The following CDH18 variants were observed in gnomAD, a reference collection of about 807,000 sequenced individuals.
CDH18 encodes the protein cadherin 18.
Under a neutral mutation model 67.9 loss-of-function variants are expected in CDH18, and 31 were observed. That is an observed-to-expected ratio of 0.46 (90% CI 0.34 to 0.62). The LOEUF (loss-of-function observed/expected upper bound fraction) is 0.62, where lower values mean the gene tolerates loss of function less well. Ranked by LOEUF, CDH18 falls within the 20% of genes least tolerant of loss-of-function variation. The probability of loss-of-function intolerance (pLI) is 0.01; values close to 1 mark genes in which losing one functional copy is unlikely to be tolerated. For synonymous variants in CDH18, 362 were observed against 347.2 expected (o/e 1.04, Z -0.48); for missense variants, 890 against 975.5 (o/e 0.91, Z 1.17).
chr5:19,561,989 C>T (rs548545936), intron 8 of CDH18, among the ~76,000 whole-genome samples: 1 of 152,198 alleles, frequency 6.6e-6, no homozygotes, highest in South Asian at 2.1e-4. Context: ...TGATTTTAAG[C>T]AAGAATTTGC....
At chr5:19,505,808 G>C (rs1276551465) in intron 10 of CDH18, among the ~76,000 whole-genome samples, 1 of 151,998 alleles carries the variant, frequency 6.6e-6, no homozygotes, top group Non-Finnish European at 1.5e-5. Flanking sequence ...GCCAGGCTTT[G>C]GTATCAGGAT....
At chr5:20,410,609 T>C (rs1746684644) in intron 1 of CDH18, among the ~76,000 whole-genome samples, 1 of 151,528 alleles carries the variant, frequency 6.6e-6, no homozygotes, top group Non-Finnish European at 1.5e-5. Context: ...AGGATGTCCA[T>C]TCTTGGCACA....
intron 1 of CDH18, among the ~76,000 whole-genome samples, chr5:20,295,766 T>C (rs2149953594): frequency 6.6e-6 from 1 of 152,226 alleles, no homozygotes; most frequent in South Asian, 2.1e-4. Context: ...GATTTGATTG[T>C]ATATATGTTT....
intron 2 of CDH18, among the ~76,000 whole-genome samples, chr5:20,052,914 CCTT>C: frequency 6.6e-6 from 1 of 152,160 alleles, no homozygotes; most frequent in South Asian, 2.1e-4. Context: ...GATGTTTCCT[CCTT>C]CTCTTGTTAA....
chr5:20,237,434 G>C (rs1288134185), intron 2 of CDH18, among the ~76,000 whole-genome samples: 1 of 151,764 alleles, frequency 6.6e-6, no homozygotes, highest in African/African-American at 2.4e-5. Context: ...AAAATTGATT[G>C]AAACTATAAA....
At chr5:20,088,569 G>C (rs754622894) in intron 2 of CDH18, among the ~76,000 whole-genome samples, 3 of 152,172 alleles carry the variant, frequency 2.0e-5, no homozygotes, top group African/African-American at 4.8e-5. Flanking sequence ...AGCCTGTGTG[G>C]ACATGGCCAG....
intron 1 of CDH18, among the ~76,000 whole-genome samples, chr5:20,477,271 G>A (rs976588123): frequency 2.2e-4 from 34 of 152,110 alleles, no homozygotes; most frequent in Admixed American, 1.4e-3. Context: ...TGGTCATCCT[G>A]CACGCTCAAC....
In CDH18 at chr5:19,650,236, T is replaced by C. The variant is rs143575766; in HGVS notation, c.644-37635A>G. The stretch of plus-strand genomic sequence containing the variant: ...TTAATTAAGGTTGCTTTCTATGTAG[T>C]ACACTTTGGAAGAAATCCCTCTTTC... On this transcript the variant is annotated intron_variant, in intron 5 of 12. Coordinates refer to ENST00000382275, the MANE Select transcript of CDH18 (RefSeq NM_004934.5). Among the ~76,000 whole-genome samples the C allele has an allele frequency of 2.6e-5, 4 of 151,954 alleles. No homozygotes were observed. In the East Asian group the frequency reaches 5.8e-4, roughly 22 times the overall value.
chr5:20,013,488 T>G lies in CDH18; in HGVS notation c.-517-21474A>C, dbSNP rs1300729935. On this transcript the variant is annotated intron_variant, in intron 2 of 14. Coordinates refer to the CDH18 transcript ENST00000507958. ...CAGCTTAGAATGTCTTTGAACTTTT[T>G]TTTGTCTAGGACATTAAGAAACAGA... is the stretch of plus-strand genomic sequence containing the variant. Among the ~76,000 whole-genome samples the G allele has an allele frequency of 2.6e-5, 4 of 152,096 alleles. No homozygotes were observed. The South Asian group carries it at 6.2e-4, about 24-fold the overall frequency.
chr5:19,812,569 G>A (rs1224304629), intron 3 of CDH18, among the ~76,000 whole-genome samples: 1 of 152,096 alleles, frequency 6.6e-6, no homozygotes, highest in East Asian at 1.9e-4. Context: ...AGAAACTCCA[G>A]TAGACGTCAT....
At chr5:19,477,528 C>T (rs1738690689) in intron 12 of CDH18, among the ~76,000 whole-genome samples, 1 of 151,946 alleles carries the variant, frequency 6.6e-6, no homozygotes, top group South Asian at 2.1e-4. Context: ...TTACTAATAA[C>T]ATCAAACTCC....
chr5:20,534,769 A>T (rs1204884290), intron 1 of CDH18, among the ~76,000 whole-genome samples: 1 of 151,944 alleles, frequency 6.6e-6, no homozygotes, highest in Admixed American at 6.6e-5. Context: ...GAACATCAAA[A>T]TTATTTAGCA....
At chr5:20,431,312 G>A (rs1748717605) in intron 1 of CDH18, among the ~76,000 whole-genome samples, 1 of 151,912 alleles carries the variant, frequency 6.6e-6, no homozygotes, top group African/African-American at 2.4e-5. Context: ...CCAATATGGT[G>A]AAATTCTGTC....
chr5:19,943,281 C>T (rs1342278745), intron 2 of CDH18, among the ~76,000 whole-genome samples: 1 of 151,998 alleles, frequency 6.6e-6, no homozygotes, highest in Non-Finnish European at 1.5e-5. Context: ...AGTTAGAATT[C>T]AAATGTGGTC....
rs899986157 is a variant in CDH18 at position 19,589,474 on chromosome 5, C to G, written c.999+1583G>C. 3.9e-5 allele frequency among the ~76,000 whole-genome samples: 6 copies of G among 152,180 alleles called. No homozygotes were observed. The Middle Eastern group carries it at 0.01, about 259-fold the overall frequency. ...AAGAAGTCACCCATAAAATGAAAAG[C>G]AGGCAATCCTCTTCTCACCTTTGTA... On this transcript the variant is annotated intron_variant, in intron 7 of 12. Transcript: ENST00000382275.
rs3065070 is a variant in CDH18, at chr5:19,859,989, GGTGTGTGT to G, written c.-256-20755_-256-20748del. Among the ~76,000 whole-genome samples, 8 of 143,246 alleles carry G rather than the reference GGTGTGTGT, an allele frequency of 5.6e-5. No individual in the cohort carries two copies. In the East Asian group the frequency reaches 8.3e-4, roughly 15 times the overall value. The allele number at this position is 143,246 out of a possible 152,430, so 94.0% of individuals were successfully genotyped here. On this transcript the variant is annotated intron_variant, in intron 2 of 12. Transcript: ENST00000382275. ...CTTATTAATTTACTTGTTTGCTTTGGGTGTGTGTGTGTGTGTGTGTGTGTGTGTGTGTG... is the reference window on the plus strand; with the variant it reads ...CTTATTAATTTACTTGTTTGCTTTGGGTGTGTGTGTGTGTGTGTGTGTGTG...
chr5:20,019,354 C>A (rs1490281654), intron 2 of CDH18, among the ~76,000 whole-genome samples: 1 of 152,114 alleles, frequency 6.6e-6, no homozygotes, highest in African/African-American at 2.4e-5. Flanking sequence ...TATGGTAACA[C>A]AGAGTCATTA....
At position 20,144,509 on chromosome 5, in the gene CDH18, C is replaced by T. The variant is rs189503555; in HGVS notation, c.-518+110935G>A. The stretch of plus-strand genomic sequence containing the variant: ...AGTTTTACAGATGGAGAACAATTTG[C>T]TTCAGGATAAGTCAGAGCCTGAGTT... On this transcript the variant is annotated intron_variant, in intron 2 of 14. Coordinates refer to the CDH18 transcript ENST00000507958. Among the ~76,000 whole-genome samples, 5 of 152,124 alleles carry T rather than the reference C, an allele frequency of 3.3e-5. No individual in the cohort carries two copies. The East Asian group carries it at 7.8e-4, about 24-fold the overall frequency.
intron 6 of CDH18, among the ~76,000 whole-genome samples, chr5:19,611,187 G>A (rs549446316): frequency 6.6e-6 from 1 of 152,182 alleles, no homozygotes; most frequent in Admixed American, 6.6e-5. Flanking sequence ...GCAGAAATTA[G>A]TATAACATGA....
Sources: gnomAD v4.1 joint callset for allele counts (sites outside exome capture counted in the v4.1 genomes callset) on GRCh38, gnomAD v4.1.1 for gene constraint, MANE v1.5 for transcripts, NCBI Gene and HGNC (gene_info 2026-07-23, HGNC 2026-07-21) for gene names.